SRGAP3: variants seen among roughly 807,000 people sequenced by gnomAD.
SRGAP3 encodes the protein SLIT-ROBO Rho GTPase activating protein 3.
A neutral mutation model predicts 121.1 loss-of-function variants in SRGAP3; 39 were observed. The ratio of observed to expected loss-of-function variants is 0.32; its 90% CI spans 0.25 to 0.42. The LOEUF (loss-of-function observed/expected upper bound fraction) is 0.42. Among genes scored for constraint, SRGAP3 ranks in the 10% least tolerant of loss-of-function variants. The pLI, the probability that SRGAP3 is intolerant of heterozygous loss-of-function variation, is 1.00. For missense variants in SRGAP3, 1,213 were observed against 1,470.6 expected (o/e 0.82, Z 2.86); for synonymous variants, 601 against 570.0 (o/e 1.05, Z -0.77).
chr3:9,261,370 G>C (rs1954252500), intron 3 of SRGAP3, among the ~76,000 whole-genome samples: 1 of 152,036 alleles, frequency 6.6e-6, no homozygotes, highest in South Asian at 2.1e-4. Context: ...AACAGAAGTA[G>C]GCTTCAGAAG....
intron 7 of SRGAP3, 87 bp downstream of exon 7, chr3:9,058,164 T>C: frequency 4.2e-6 from 6 of 1,444,750 alleles, no homozygotes; most frequent in Non-Finnish European, 5.8e-6. Flanking sequence ...AGAAACTTTC[T>C]GTACGTGCAA....
At chr3:9,034,012 G>C (rs925996703) in intron 11 of SRGAP3, 30 of 152,110 alleles carry the variant, frequency 2.0e-4, no homozygotes, top group African/African-American at 7.2e-4. Flanking sequence ...CTTTACTTTA[G>C]GATTTCCATT....
intron 1 of SRGAP3, among the ~76,000 whole-genome samples, chr3:9,190,528 T>C (rs1479318390): frequency 1.3e-5 from 2 of 152,224 alleles, no homozygotes; most frequent in African/African-American, 4.8e-5. Flanking sequence ...TCCTCGGGGC[T>C]TGCTGTTTCA....
At chr3:9,309,000 G>A (rs1382765466) in intron 3 of SRGAP3, among the ~76,000 whole-genome samples, 1 of 152,176 alleles carries the variant, frequency 6.6e-6, no homozygotes. Context: ...TTCTGGGCTT[G>A]GCCATATGAC....
intron 4 of SRGAP3, among the ~76,000 whole-genome samples, chr3:9,075,295 T>C (rs1560084892): frequency 1.3e-5 from 2 of 152,208 alleles, no homozygotes; most frequent in Non-Finnish European, 1.5e-5. Context: ...CTTGCATATA[T>C]GTGTATGTAC....
intron 1 of SRGAP3, among the ~76,000 whole-genome samples, chr3:9,242,633 T>TAAACA (rs757204852): frequency 1.5e-4 from 23 of 152,330 alleles, no homozygotes; most frequent in East Asian, 3.9e-4. Context: ...AGACTCCATC[T>TAAACA]AAACAAAACA....
chr3:9,214,795 A>G (rs1952560075), intron 1 of SRGAP3, among the ~76,000 whole-genome samples: 1 of 152,218 alleles, frequency 6.6e-6, no homozygotes, highest in Admixed American at 6.5e-5. Flanking sequence ...CAGTATCTCT[A>G]TCCAAGAGTT....
At chr3:9,346,846 C>T (rs369528001) in intron 1 of SRGAP3, among the ~76,000 whole-genome samples, 1 of 150,142 alleles carries the variant, frequency 6.7e-6, no homozygotes, top group South Asian at 2.1e-4. Flanking sequence ...ACCTCTGCCT[C>T]CTGGGTTCAA....
intron 19 of SRGAP3, among the ~76,000 whole-genome samples, chr3:8,993,312 C>A (rs1942185714): frequency 6.6e-6 from 1 of 152,188 alleles, no homozygotes; most frequent in Non-Finnish European, 1.5e-5. Flanking sequence ...CTAGCTTGTT[C>A]ATTCCCAGGC....
At chr3:9,065,299 A>C (rs951690701) in intron 4 of SRGAP3, 3 of 152,236 alleles carry the variant, frequency 2.0e-5, no homozygotes, top group Non-Finnish European at 2.9e-5. Flanking sequence ...ATTACAGGGG[A>C]AATTTCTGAG....
intron 7 of SRGAP3, among the ~76,000 whole-genome samples, chr3:9,057,959 G>A (rs950556252): frequency 6.6e-6 from 1 of 152,160 alleles, no homozygotes; most frequent in Non-Finnish European, 1.5e-5. Flanking sequence ...GCACATGTGG[G>A]GTTAGAACAT....
chr3:9,212,019 G>C (rs1171851320), intron 1 of SRGAP3, among the ~76,000 whole-genome samples: 2 of 152,030 alleles, frequency 1.3e-5, no homozygotes, highest in Non-Finnish European at 2.9e-5. Context: ...CTGGCAGTTC[G>C]ACAAACTTAA....
chr3:9,128,298 C>T (rs546376265), intron 1 of SRGAP3, among the ~76,000 whole-genome samples: 1 of 152,172 alleles, frequency 6.6e-6, no homozygotes, highest in East Asian at 1.9e-4. Flanking sequence ...CTGATCACTG[C>T]AATGATACAT....
intron 3 of SRGAP3, among the ~76,000 whole-genome samples, chr3:9,302,915 G>A (rs1955089670): frequency 6.6e-6 from 1 of 151,936 alleles, no homozygotes; most frequent in South Asian, 2.1e-4. Flanking sequence ...TGGCAACGAA[G>A]ATAATACTTA....
At chr3:9,231,298 C>T (rs1337796597) in intron 1 of SRGAP3, among the ~76,000 whole-genome samples, 1 of 152,204 alleles carries the variant, frequency 6.6e-6, no homozygotes, top group Non-Finnish European at 1.5e-5. Context: ...TCAGGATTTG[C>T]CTTCTCACAA....
chr3:9,167,023 C>A (rs925397186), intron 1 of SRGAP3, among the ~76,000 whole-genome samples: 3 of 152,190 alleles, frequency 2.0e-5, no homozygotes, highest in Non-Finnish European at 4.4e-5. Flanking sequence ...ACTCAACTAT[C>A]CCTGTTCTTC....
intron 2 of SRGAP3, among the ~76,000 whole-genome samples, chr3:9,108,375 T>C (rs1185254942): frequency 6.6e-6 from 1 of 152,182 alleles, no homozygotes; most frequent in Non-Finnish European, 1.5e-5. Flanking sequence ...CCCAGGGCTT[T>C]GGGAGGCTGA....
intron 1 of SRGAP3, among the ~76,000 whole-genome samples, chr3:9,183,190 C>T (rs577221728): frequency 1.3e-5 from 2 of 152,312 alleles, no homozygotes; most frequent in African/African-American, 4.8e-5. Context: ...GTTGCAAAAA[C>T]AGCTGAACTG....
intron 2 of SRGAP3, among the ~76,000 whole-genome samples, chr3:9,105,356 G>A (rs524978): frequency 0.35 from 53,542 of 151,926 alleles, 9,598 homozygotes; most frequent in Non-Finnish European, 0.37. Flanking sequence ...GCCCCTCCAC[G>A]GAGCTGTTGG....
Sources: allele counts gnomAD v4.1 joint callset (sites outside exome capture counted in the v4.1 genomes callset), GRCh38; gene constraint gnomAD v4.1.1; transcripts MANE v1.5; gene names NCBI Gene and HGNC (gene_info 2026-07-23, HGNC 2026-07-21).